CBX1: variants seen among roughly 807,000 people sequenced by gnomAD.
CBX1 encodes chromobox protein homolog 1.
CBX1 carries 10 observed loss-of-function variants against 25.1 expected under a neutral mutation model. That is an observed-to-expected ratio of 0.40 (90% CI 0.25 to 0.68). CBX1 has a LOEUF of 0.68. CBX1 is among the 30% of genes least tolerant of loss of function. CBX1 has a pLI of 0.40. For synonymous variants in CBX1, 63 were observed against 79.4 expected, an observed-to-expected ratio of 0.79 and a Z score of 1.10; for missense variants, 106 against 218.5, an observed-to-expected ratio of 0.49 and a Z score of 3.25.
intron 1 of CBX1, chr17:48,096,232 C>A: frequency 2.6e-6 from 1 of 389,080 alleles, no homozygotes; most frequent in Non-Finnish European, 3.5e-6. Context: ...GGATCAAAGG[C>A]TAGAATGCTG....
chr17:48,077,084 T>C, intron 1 of CBX1, 43 bp from the exon 2 acceptor site: 1 of 1,471,534 alleles, frequency 6.8e-7, no homozygotes, highest in Non-Finnish European at 9.2e-7. Context: ...GGGAGCACTC[T>C]TATTGGTTAG....
At chr17:48,096,023 G>A (rs1038655508) in intron 1 of CBX1, among the ~76,000 whole-genome samples, 1 of 152,168 alleles carries the variant, frequency 6.6e-6, no homozygotes, top group Admixed American at 6.5e-5. Flanking sequence ...TGGGATTACA[G>A]GCATGCACCA....
At chr17:48,081,780 AAAT>A (rs2037740544) in intron 1 of CBX1, among the ~76,000 whole-genome samples, 1 of 152,140 alleles carries the variant, frequency 6.6e-6, no homozygotes, top group African/African-American at 2.4e-5. Context: ...AGAGCAACTC[AAAT>A]AAGAAGAATA....
chr17:48,094,833 C>T (rs976817613), intron 1 of CBX1, among the ~76,000 whole-genome samples: 3 of 150,862 alleles, frequency 2.0e-5, no homozygotes, highest in African/African-American at 4.9e-5. Flanking sequence ...GATCACTTGA[C>T]GCCTGGAGTT....
chr17:48,077,925 G>A (rs1020026748), intron 1 of CBX1, among the ~76,000 whole-genome samples: 4 of 152,038 alleles, frequency 2.6e-5, no homozygotes, highest in African/African-American at 4.8e-5. Context: ...AGGCCGAGGC[G>A]GGCAGATCAC....
intron 1 of CBX1, among the ~76,000 whole-genome samples, chr17:48,097,613 T>C (rs939756247): frequency 6.8e-6 from 1 of 146,326 alleles, no homozygotes; most frequent in Non-Finnish European, 1.5e-5. Context: ...CGAGACTCTG[T>C]CTCAAAAAAA....
intron 1 of CBX1, among the ~76,000 whole-genome samples, chr17:48,096,857 G>C (rs1471946525): frequency 6.6e-6 from 1 of 152,092 alleles, no homozygotes. Flanking sequence ...CTTTGGGAGG[G>C]TGAGGTGGGA....
chr17:48,071,404 C>T lies in CBX1; in HGVS notation c.*31G>A, dbSNP rs1254876794. The T allele has an allele frequency of 2.1e-5, 33 of 1,575,326 alleles. No individual in the cohort carries two copies. The highest frequency in any genetic ancestry group is 2.8e-5 in the Non-Finnish European group (33 of 1,161,486). On this transcript the variant is annotated 3_prime_UTR_variant, in exon 5 of 5. Coordinates refer to ENST00000225603, the MANE Select transcript of CBX1 (RefSeq NM_001127228.2). ...TCCCTTCCCACTTGAAACCCACAGT[C>T]AGATGTGACAGGGGCTGGTACTCAG...
Position 48,073,820 on chromosome 17 carries a change from GTC to G in CBX1, c.413+1184_413+1185del, listed in dbSNP as rs1426287821. Among the ~76,000 whole-genome samples the G allele has an allele frequency of 9.4e-5, 4 of 42,614 alleles. No individual in the cohort carries two copies. In the East Asian group the frequency reaches 2.8e-3, roughly 30 times the overall value. The allele number at this position is 42,614 out of a possible 152,430, so 28.0% of individuals were successfully genotyped here. A position where few individuals can be genotyped will look rare whatever the true frequency, so the allele number is the denominator to read the frequency against. ...CCAGCCTGGGCGAAAGAGTGAGACT[GTC>G]TCAAAAAAAAAAAAAAAAAAAAAGA... is the stretch of plus-strand genomic sequence containing the variant. On this transcript the variant is annotated intron_variant, in intron 4 of 4. Transcript: ENST00000225603.
Position 48,070,179 on chromosome 17 carries a change from T to C in CBX1, c.*1256A>G, listed in dbSNP as rs2144421127. 6.5e-6 allele frequency: 1 copy of C among 152,806 alleles called. No individual in the cohort carries two copies. The highest frequency in any genetic ancestry group is 1.9e-4 in the East Asian group (1 of 5,192). The allele number at this position is 152,806 out of a possible 1,614,324, so 9.5% of individuals were successfully genotyped here. ...AAGAATTTTACAACGTAGCTCTAGA[T>C]GCAAGTCTAGACAATATCAAGAACT... is the stretch of plus-strand genomic sequence containing the variant. On this transcript the variant is annotated 3_prime_UTR_variant, in exon 5 of 5. Coordinates refer to ENST00000225603, the MANE Select transcript of CBX1 (RefSeq NM_001127228.2).
chr17:48,085,487 A>G (rs113846282), intron 1 of CBX1, among the ~76,000 whole-genome samples: 2 of 152,024 alleles, frequency 1.3e-5, no homozygotes, highest in Non-Finnish European at 2.9e-5. Context: ...CCTCCCTACA[A>G]TTTGTCACTG....
At chr17:48,099,646 C>T (rs1160952661) in intron 1 of CBX1, among the ~76,000 whole-genome samples, 1 of 152,134 alleles carries the variant, frequency 6.6e-6, no homozygotes, top group Non-Finnish European at 1.5e-5. Context: ...TATTCCAAAG[C>T]CTTGGACCTT....
intron 4 of CBX1, among the ~76,000 whole-genome samples, chr17:48,073,687 C>T (rs1414919106): frequency 6.6e-6 from 1 of 151,888 alleles, no homozygotes; most frequent in Non-Finnish European, 1.5e-5. Flanking sequence ...ATCAGCCAGG[C>T]GTGGTAGCAC....
Position 48,082,608 on chromosome 17 carries a change from T to C in CBX1, c.-37-5567A>G, listed in dbSNP as rs185295002. ...CTGGAGTGCAGTGACGCAATATCAGTTCACTGCAACCTCCACCTCCCAGGT... is the reference window on the plus strand; with the variant it reads ...CTGGAGTGCAGTGACGCAATATCAGCTCACTGCAACCTCCACCTCCCAGGT... On this transcript the variant is annotated intron_variant, in intron 1 of 4. Coordinates refer to ENST00000225603, the MANE Select transcript of CBX1 (RefSeq NM_001127228.2). Among the ~76,000 whole-genome samples, 79 of 146,622 alleles carry C rather than the reference T, an allele frequency of 5.4e-4. 1 individual carries two copies. The highest frequency in any genetic ancestry group is 1.1e-3 in the Non-Finnish European group (72 of 67,234).
intron 1 of CBX1, among the ~76,000 whole-genome samples, chr17:48,094,363 G>C (rs988922934): frequency 6.6e-6 from 1 of 151,876 alleles, no homozygotes; most frequent in African/African-American, 2.4e-5. Flanking sequence ...GAACTTGGGA[G>C]GTGAAGGCTG....
chr17:48,091,068 G>A (rs866087123), intron 1 of CBX1, among the ~76,000 whole-genome samples: 2 of 152,194 alleles, frequency 1.3e-5, no homozygotes, highest in Non-Finnish European at 2.9e-5. Context: ...GAACTACAAG[G>A]AGACAACTCA....
chr17:48,074,972 A>G, intron 4 of CBX1, 34 bp downstream of exon 4: 1 of 1,480,808 alleles, frequency 6.8e-7, no homozygotes, highest in Non-Finnish European at 9.4e-7. Context: ...GGAGAAGAAA[A>G]AAAACAACCA....
intron 1 of CBX1, among the ~76,000 whole-genome samples, chr17:48,090,688 T>C (rs2063340026): frequency 6.6e-6 from 1 of 152,196 alleles, no homozygotes; most frequent in African/African-American, 2.4e-5. Context: ...TCAATCATCA[T>C]TACCTTGCGC....
intron 1 of CBX1, among the ~76,000 whole-genome samples, chr17:48,095,260 C>T (rs751585201): frequency 2.6e-5 from 4 of 152,042 alleles, no homozygotes; most frequent in Non-Finnish European, 5.9e-5. Context: ...GGTCTGGAAC[C>T]TGAACAAGTT....
Sources: gnomAD v4.1 joint callset for allele counts (sites outside exome capture counted in the v4.1 genomes callset) on GRCh38, gnomAD v4.1.1 for gene constraint, MANE v1.5 for transcripts, NCBI Gene and HGNC (gene_info 2026-07-23, HGNC 2026-07-21) for gene names.